CALN1: variants seen among roughly 807,000 people sequenced by gnomAD.
The protein encoded by CALN1 is calneuron 1, also known as calcium-binding protein 8.
CALN1 carries 17 observed loss-of-function variants against 30.6 expected under a neutral mutation model. That is an observed-to-expected ratio of 0.56 (90% CI 0.38 to 0.83). The LOEUF (loss-of-function observed/expected upper bound fraction) is 0.83. Ranked by LOEUF, CALN1 falls within the 40% of genes least tolerant of loss-of-function variation. The probability of loss-of-function intolerance (pLI) is 0.00; values close to 1 mark genes in which losing one functional copy is unlikely to be tolerated. For synonymous variants in CALN1, 156 were observed against 131.4 expected (o/e 1.19, Z -1.28); for missense variants, 291 against 354.9 (o/e 0.82, Z 1.45).
chr7:72,347,888 G>A (rs558215116), intron 2 of CALN1, among the ~76,000 whole-genome samples: 8 of 152,128 alleles, frequency 5.3e-5, no homozygotes, highest in Admixed American at 1.3e-4. Context: ...CAGCACTTTG[G>A]GAGGCTGAGG....
intron 1 of CALN1, among the ~76,000 whole-genome samples, chr7:72,404,361 G>C (rs781300565): frequency 6.6e-6 from 1 of 152,270 alleles, no homozygotes; most frequent in African/African-American, 2.4e-5. Flanking sequence ...AATATGTATT[G>C]AACACACAGT....
At chr7:72,085,651 A>G (rs1805437652) in intron 4 of CALN1, among the ~76,000 whole-genome samples, 1 of 152,180 alleles carries the variant, frequency 6.6e-6, no homozygotes, top group Non-Finnish European at 1.5e-5. Context: ...TTGTCAAGGG[A>G]CTACTTGGGG....
At chr7:71,806,255 C>CAAACAA (rs1172056949) in intron 6 of CALN1, among the ~76,000 whole-genome samples, 2 of 141,784 alleles carry the variant, frequency 1.4e-5, no homozygotes, top group African/African-American at 5.7e-5. Context: ...CGCATGCACA[C>CAAACAA]ACACACACAC....
At chr7:72,242,104 C>A (rs1794879753) in intron 3 of CALN1, among the ~76,000 whole-genome samples, 1 of 152,302 alleles carries the variant, frequency 6.6e-6, no homozygotes, top group Non-Finnish European at 1.5e-5. Flanking sequence ...ATTCTAGGGA[C>A]CTCATAGAAA....
At chr7:72,442,497 AT>A (rs1808379728) in intron 1 of CALN1, among the ~76,000 whole-genome samples, 1 of 144,380 alleles carries the variant, frequency 6.9e-6, no homozygotes, top group South Asian at 2.3e-4. Context: ...TTTATTAAAG[AT>A]TGCACTTATT....
chr7:72,365,601 T>C (rs1347979806), intron 2 of CALN1, among the ~76,000 whole-genome samples: 1 of 152,064 alleles, frequency 6.6e-6, no homozygotes, highest in African/African-American at 2.4e-5. Context: ...TGCAAATTTT[T>C]TAAATTTTTT....
intron 3 of CALN1, among the ~76,000 whole-genome samples, chr7:72,214,350 C>T (rs1453471925): frequency 6.6e-6 from 1 of 151,990 alleles, no homozygotes; most frequent in Admixed American, 6.5e-5. Context: ...TGTGGTGGCA[C>T]ACGCCTGTAG....
rs183302222 is a variant in CALN1 at position 71,784,431 on chromosome 7, C to T, written c.*3344G>A. On this transcript the variant is annotated 3_prime_UTR_variant, in exon 7 of 7. Transcript: ENST00000395275. ...CAAGGGTTGCCATGGTAATATCCCT[C>T]TTTTTTTTTTGTCAGATCAGTCACG... is the stretch of plus-strand genomic sequence containing the variant. 561 of 168,192 alleles carry T rather than the reference C, an allele frequency of 3.3e-3. 4 individuals carry two copies. The highest frequency in any genetic ancestry group is 0.013 in the African/African-American group (529 of 41,530). 10.4% of individuals were successfully genotyped at this position (168,192 alleles called of 1,614,324 possible).
At chr7:72,470,925 C>T in the CALN1 span, among the ~76,000 whole-genome samples, 11 of 152,100 alleles carry the variant, frequency 7.2e-5, no homozygotes, top group Non-Finnish European at 1.3e-4. Context: ...TTGACCCCCA[C>T]GTGGGGCATC....
At chr7:71,986,848 C>T (rs985858141) in intron 5 of CALN1, among the ~76,000 whole-genome samples, 6 of 152,164 alleles carry the variant, frequency 3.9e-5, no homozygotes, top group African/African-American at 1.4e-4. Context: ...TCTTGTGGGG[C>T]CAGGCACGAT....
At chr7:71,795,098 C>T (rs1786816608) in intron 6 of CALN1, among the ~76,000 whole-genome samples, 1 of 152,142 alleles carries the variant, frequency 6.6e-6, no homozygotes, top group Admixed American at 6.5e-5. Flanking sequence ...TATTGGCTCG[C>T]TGCAACCTCC....
chr7:72,413,052 C>CG (rs1186157044), upstream of CALN1, among the ~76,000 whole-genome samples: 5 of 152,192 alleles, frequency 3.3e-5, no homozygotes, highest in Non-Finnish European at 7.4e-5. Flanking sequence ...TGGGCTCACC[C>CG]GGGGGGTTTG....
At chr7:71,829,205 T>C (rs1309970700) in intron 5 of CALN1, among the ~76,000 whole-genome samples, 2 of 152,158 alleles carry the variant, frequency 1.3e-5, no homozygotes, top group Non-Finnish European at 2.9e-5. Flanking sequence ...CTGTCTCAAA[T>C]TGGGGTTCAC....
chr7:72,324,162 C>T (rs1801101229), intron 2 of CALN1, among the ~76,000 whole-genome samples: 1 of 152,008 alleles, frequency 6.6e-6, no homozygotes, highest in Non-Finnish European at 1.5e-5. Context: ...CTCCCAGGCC[C>T]CAGGAGACTC....
intron 3 of CALN1, among the ~76,000 whole-genome samples, chr7:72,161,242 T>C (rs925694795): frequency 9.9e-5 from 15 of 152,200 alleles, no homozygotes; most frequent in Non-Finnish European, 1.5e-4. Flanking sequence ...ATTGTCCACA[T>C]CTTTCTTTCT....
chr7:71,915,956 C>T (rs1263831104), intron 5 of CALN1, among the ~76,000 whole-genome samples: 1 of 152,142 alleles, frequency 6.6e-6, no homozygotes, highest in African/African-American at 2.4e-5. Flanking sequence ...AACCCAAGCC[C>T]CACCGTTTCT....
intron 3 of CALN1, among the ~76,000 whole-genome samples, chr7:72,235,775 C>T (rs1794437812): frequency 6.6e-6 from 1 of 151,666 alleles, no homozygotes; most frequent in Non-Finnish European, 1.5e-5. Flanking sequence ...CACCCCTTGG[C>T]CATGTAGCCC....
chr7:72,396,235 T>TAAAAAAAAAAG (rs1805930814), intron 2 of CALN1, among the ~76,000 whole-genome samples: 1 of 53,344 alleles, frequency 1.9e-5, no homozygotes, highest in Admixed American at 2.4e-4. Flanking sequence ...TTGTCTCTAC[T>TAAAAAAAAAAG]AAAAAAAAAA....
intron 3 of CALN1, among the ~76,000 whole-genome samples, chr7:72,207,484 A>G (rs1159023761): frequency 6.6e-6 from 1 of 152,124 alleles, no homozygotes; most frequent in Non-Finnish European, 1.5e-5. Flanking sequence ...TAGTAGTAGT[A>G]GTAGTAGTAA....
Sources: gnomAD v4.1 joint callset for allele counts (sites outside exome capture counted in the v4.1 genomes callset) on GRCh38, gnomAD v4.1.1 for gene constraint, MANE v1.5 for transcripts, NCBI Gene and HGNC (gene_info 2026-07-23, HGNC 2026-07-21) for gene names.